C3: variants seen among roughly 807,000 people sequenced by gnomAD.
C3 encodes the protein C3 and PZP-like alpha-2-macroglobulin domain-containing protein 1.
In C3, 97 loss-of-function variants were observed where a neutral mutation model predicts 207.9. That is an observed-to-expected ratio of 0.47 (90% CI 0.40 to 0.55). C3 has a LOEUF of 0.55. Ranked by LOEUF, C3 falls within the 20% of genes least tolerant of loss-of-function variation. C3 has a pLI of 0.00. For synonymous variants in C3, 848 were observed against 857.6 expected, an observed-to-expected ratio of 0.99 and a Z score of 0.20; for missense variants, 1,684 against 2,171.7, an observed-to-expected ratio of 0.78 and a Z score of 4.46.
chr19:6,705,205 A>T (rs1967748171), intron 17 of C3, among the ~76,000 whole-genome samples: 1 of 152,200 alleles, frequency 6.6e-6, no homozygotes, highest in Non-Finnish European at 1.5e-5. Flanking sequence ...ATCCATGTGG[A>T]TGTAAACCAT....
At chr19:6,697,052 A>T (rs1046049910) in intron 21 of C3, among the ~76,000 whole-genome samples, 1 of 88,380 alleles carries the variant, frequency 1.1e-5, no homozygotes, top group Admixed American at 1.3e-4. Flanking sequence ...AAAAAAATAA[A>T]CAAACAAATA....
At chr19:6,695,565 C>T (rs1298395605) in intron 23 of C3, among the ~76,000 whole-genome samples, 1 of 152,032 alleles carries the variant, frequency 6.6e-6, no homozygotes, top group Non-Finnish European at 1.5e-5. Flanking sequence ...CTGCAACCTA[C>T]GCCTCCCACG....
chr19:6,715,574 A>G (rs1968011866), intron 4 of C3, among the ~76,000 whole-genome samples: 1 of 151,866 alleles, frequency 6.6e-6, no homozygotes, highest in Admixed American at 6.6e-5. Context: ...GAAGGCCGTG[A>G]GCTGGCTTTA....
intron 38 of C3, 26 bp downstream of exon 38, chr19:6,679,099 G>A (rs771542274): frequency 8.9e-6 from 14 of 1,570,416 alleles, no homozygotes; most frequent in Admixed American, 3.3e-5. Context: ...CTAAACATGC[G>A]TGACCCCCAC....
intron 23 of C3, 50 bp from the exon 24 acceptor site, chr19:6,694,684 C>A: frequency 6.4e-7 from 1 of 1,562,176 alleles, no homozygotes; most frequent in Non-Finnish European, 8.7e-7. Flanking sequence ...GGTGACCCAC[C>A]TTGGGGTGGC....
intron 4 of C3, 21 bp from the exon 5 acceptor site, chr19:6,714,467 G>C (rs775232620): frequency 6.3e-7 from 1 of 1,576,548 alleles, no homozygotes; most frequent in East Asian, 2.2e-5. Context: ...CAGGAGGGAA[G>C]GATAGAGGAT....
At position 6,678,390 on chromosome 19, in the gene C3, C is replaced by T; in HGVS notation, c.4696G>A (p.Glu1566Lys). Residue 1566 changes from glutamate to lysine, a missense_variant, in exon 39 of 41, where the codon GAG (glutamate) becomes AAG (lysine). Transcript: ENST00000245907. ...NDFDEYIMAI[E>K]QTIKSGSDEV... is the part of the protein sequence containing the mutation. The stretch of plus-strand genomic sequence containing the variant: ...GCCTGACCTGACTTGATGGTCTGCT[C>T]AATGGCCATGATGTACTCGTCAAAG... The T allele has an allele frequency of 6.2e-7, 1 of 1,614,158 alleles. No homozygotes were observed. Among genetic ancestry groups the T allele is most frequent in the South Asian group, 1.1e-5 (1 of 91,082 alleles).
At chr19:6,702,035 AC>A in intron 19 of C3, 91 bp downstream of exon 19, 1 of 784,276 alleles carries the variant, frequency 1.3e-6, no homozygotes. Flanking sequence ...GTGCCAAGAA[AC>A]ATAGGGTTGA....
rs780630425 is a variant in C3 at position 6,712,284 on chromosome 19, G to T, written c.1242C>A (p.His414Gln). The change falls in exon 11 of 41, where the codon CAC becomes CAA. Residue 414 changes from histidine (H) to glutamine (Q), a missense_variant. His to Gln is a conservative substitution (Grantham distance 24). This residue lies in a region of C3 where 1,280 missense variants were observed against 1,739.1 expected (regional missense o/e 0.74). Transcript: ENST00000245907. ...DGVAKLSINT[H>Q]PSQKPLSITV... ...TGATGCTCAAGGGCTTCTGGCTGGGGTGTGTGTTGATGCTGAGTTTGGCCA... is the reference window on the plus strand; with the variant it reads ...TGATGCTCAAGGGCTTCTGGCTGGGTTGTGTGTTGATGCTGAGTTTGGCCA... 1 of 1,614,054 alleles carries T rather than the reference G, an allele frequency of 6.2e-7. No individual in the cohort carries two copies. The highest frequency in any genetic ancestry group is 1.1e-5 in the South Asian group (1 of 91,072).
chr19:6,686,956 G>A, intron 27 of C3, 54 bp from the exon 28 acceptor site: 1 of 1,570,758 alleles, frequency 6.4e-7, no homozygotes, highest in South Asian at 1.1e-5. Context: ...TGTCACGTTA[G>A]TAAGGATCAT....
At chr19:6,688,624 ATT>A (rs1195377025) in intron 27 of C3, among the ~76,000 whole-genome samples, 2 of 151,674 alleles carry the variant, frequency 1.3e-5, no homozygotes, top group Non-Finnish European at 2.9e-5. Flanking sequence ...GGTTCAAGTG[ATT>A]CTCCTGCCTC....
At chr19:6,682,920 T>C (rs763247486) in intron 33 of C3, 1 of 155,368 alleles carries the variant, frequency 6.4e-6, no homozygotes, top group African/African-American at 2.4e-5. Context: ...AAAGTGATAA[T>C]GCCAGAAGTG....
chr19:6,681,231 C>G (rs969006718), intron 35 of C3, among the ~76,000 whole-genome samples: 1 of 138,228 alleles, frequency 7.2e-6, no homozygotes, highest in Non-Finnish European at 1.6e-5. Flanking sequence ...TATCTACAAA[C>G]TTTTTTTTTT....
chr19:6,686,710 A>G (rs755663832), intron 28 of C3, 36 bp downstream of exon 28: 7 of 1,606,344 alleles, frequency 4.4e-6, no homozygotes, highest in Non-Finnish European at 6.0e-6. Flanking sequence ...AACTTCAGCC[A>G]TGCATCTCCC....
chr19:6,701,402 C>G (rs1967669339), intron 19 of C3, among the ~76,000 whole-genome samples: 1 of 152,156 alleles, frequency 6.6e-6, no homozygotes, highest in African/African-American at 2.4e-5. Flanking sequence ...GTGACACCCA[C>G]TCACGCCCCT....
intron 19 of C3, among the ~76,000 whole-genome samples, chr19:6,700,886 T>A (rs116185674): frequency 0.011 from 1,596 of 149,264 alleles, 27 homozygotes; most frequent in African/African-American, 0.037. Flanking sequence ...TAATAAACCA[T>A]ATAAATTATG....
At position 6,697,394 on chromosome 19, in the gene C3, C is replaced by A; in HGVS notation, c.2746G>T (p.Val916Phe). ...GLQEVEVKAA[V>F]YHHFISDGVR... ...CCGTCACTGATGAAATGATGGTAGA[C>A]AGCAGCCTTGACTTCCACTTCCTGC... Residue 916 changes from valine to phenylalanine, a missense_variant, in exon 21 of 41, where the codon GTC becomes TTC. Val to Phe is a conservative substitution (Grantham distance 50, BLOSUM62 -1). Coordinates refer to ENST00000245907, the MANE Select transcript of C3 (RefSeq NM_000064.4). 1 of 1,614,052 alleles carries A rather than the reference C, an allele frequency of 6.2e-7. No homozygotes were observed. Among genetic ancestry groups the A allele is most frequent in the Non-Finnish European group, 8.5e-7 (1 of 1,180,020 alleles).
chr19:6,678,497 G>T, intron 38 of C3, 42 bp from the exon 39 acceptor site: 1 of 1,556,548 alleles, frequency 6.4e-7, no homozygotes, highest in South Asian at 1.1e-5. Context: ...GGGCTAGGTT[G>T]ACCATGAGGG....
chr19:6,714,366 A>G lies in C3; in HGVS notation c.585T>C (p.Ile195=). The change falls in exon 5 of 41, where the codon ATT becomes ATC. Residue 195 remains isoleucine (I), a synonymous_variant. Coordinates refer to ENST00000245907, the MANE Select transcript of C3 (RefSeq NM_000064.4). ...ACCTGACATACTTGACGAGTTCCGG[A>G]ATGTCCCAAGACAAGGGCAAGACGC... ...QLGVLPLSWD[I]PELVNMGQWK... The G allele has an allele frequency of 6.2e-7, 1 of 1,613,776 alleles. No homozygotes were observed.
Sources: gnomAD v4.1 joint callset for allele counts (sites outside exome capture counted in the v4.1 genomes callset) on GRCh38, gnomAD v4.1.1 for gene constraint, gnomAD v4.1.1 regional missense constraint, MANE v1.5 for transcripts, NCBI Gene and HGNC (gene_info 2026-07-23, HGNC 2026-07-21) for gene names.